The following NDUFAF2 variants were observed in gnomAD, a reference collection of about 807,000 sequenced individuals.
NDUFAF2 encodes the protein NADH dehydrogenase [ubiquinone] 1 alpha subcomplex assembly factor 2.
A neutral mutation model predicts 22.8 loss-of-function variants in NDUFAF2; 13 were observed. The observed-to-expected ratio is 0.57, with a 90% CI of 0.37 to 0.91. The LOEUF (loss-of-function observed/expected upper bound fraction) is 0.91. Ranked by LOEUF, NDUFAF2 falls within the 40% of genes least tolerant of loss-of-function variation. NDUFAF2 has a pLI of 0.01. For synonymous variants in NDUFAF2, 53 were observed against 64.2 expected, an observed-to-expected ratio of 0.83 and a Z score of 0.84; for missense variants, 162 against 195.2, an observed-to-expected ratio of 0.83 and a Z score of 1.01.
intron 1 of NDUFAF2, among the ~76,000 whole-genome samples, chr5:61,008,172 G>A (rs867952654): frequency 8.3e-6 from 1 of 120,700 alleles, no homozygotes; most frequent in Non-Finnish European, 1.7e-5. Flanking sequence ...GGAGGGGGGA[G>A]GGATAGCTTT....
intron 1 of NDUFAF2, among the ~76,000 whole-genome samples, chr5:60,978,029 C>T (rs1317367952): frequency 6.6e-6 from 1 of 152,006 alleles, no homozygotes; most frequent in Non-Finnish European, 1.5e-5. Flanking sequence ...AAGACTCGTC[C>T]CCCATTCCCT....
chr5:61,138,075 CAG>C (rs1327099553), intron 3 of NDUFAF2, among the ~76,000 whole-genome samples: 2 of 152,352 alleles, frequency 1.3e-5, no homozygotes, highest in East Asian at 3.9e-4. Flanking sequence ...TGTCTGCTCA[CAG>C]CATTCACTGC....
At chr5:61,150,993 G>A (rs906140733) in intron 3 of NDUFAF2, among the ~76,000 whole-genome samples, 3 of 152,024 alleles carry the variant, frequency 2.0e-5, no homozygotes, top group Admixed American at 1.3e-4. Context: ...CTACTCATGG[G>A]GAATTGCTAT....
At chr5:61,018,899 G>A (rs1417733969) in intron 1 of NDUFAF2, among the ~76,000 whole-genome samples, 1 of 151,948 alleles carries the variant, frequency 6.6e-6, no homozygotes, top group Non-Finnish European at 1.5e-5. Context: ...GCAATATAGT[G>A]AAAAACTTTT....
At chr5:61,009,919 TTTC>T (rs1344697139) in intron 1 of NDUFAF2, among the ~76,000 whole-genome samples, 3 of 152,036 alleles carry the variant, frequency 2.0e-5, no homozygotes, top group Non-Finnish European at 1.5e-5. Flanking sequence ...TCCTCTAGTA[TTTC>T]TTGTCTTAAT....
chr5:61,107,608 G>A (rs754454219), intron 3 of NDUFAF2, among the ~76,000 whole-genome samples: 15 of 150,644 alleles, frequency 1.0e-4, no homozygotes, highest in East Asian at 1.9e-4. Flanking sequence ...CCATTTGTGC[G>A]TTTTTGCTTT....
At chr5:61,111,232 G>A (rs1051858182) in intron 3 of NDUFAF2, among the ~76,000 whole-genome samples, 2 of 152,118 alleles carry the variant, frequency 1.3e-5, no homozygotes, top group East Asian at 1.9e-4. Context: ...GTGGCCTAAC[G>A]TATAGTCTGT....
intron 1 of NDUFAF2, among the ~76,000 whole-genome samples, chr5:61,049,915 A>ACG (rs2111697091): frequency 6.6e-6 from 1 of 151,494 alleles, no homozygotes; most frequent in Admixed American, 6.6e-5. Flanking sequence ...ACACACACAC[A>ACG]CAGTCTGACA....
chr5:60,963,033 G>A (rs765829290), intron 1 of NDUFAF2, among the ~76,000 whole-genome samples: 16 of 151,722 alleles, frequency 1.1e-4, no homozygotes, highest in Middle Eastern at 3.4e-3. Flanking sequence ...CTACAGGCAC[G>A]TGCCACCATG....
chr5:61,148,580 C>A (rs530612690), intron 3 of NDUFAF2, among the ~76,000 whole-genome samples: 1 of 152,258 alleles, frequency 6.6e-6, no homozygotes, highest in African/African-American at 2.4e-5. Flanking sequence ...TACAACAGCC[C>A]ATTGAAGAAG....
chr5:61,034,912 ATGTGTGTGTG>A (rs1554080641), intron 1 of NDUFAF2, among the ~76,000 whole-genome samples: 29 of 144,990 alleles, frequency 2.0e-4, no homozygotes, highest in African/African-American at 6.9e-4. Flanking sequence ...GCAAATATAT[ATGTGTGTGTG>A]TGTGTGTGTG....
At chr5:61,020,758 TCTGCTCA>T (rs1200797254) in intron 1 of NDUFAF2, among the ~76,000 whole-genome samples, 1 of 152,138 alleles carries the variant, frequency 6.6e-6, no homozygotes, top group East Asian at 1.9e-4. Context: ...CAGCACAATC[TCTGCTCA>T]CTGCTCACTG....
chr5:61,132,185 G>C (rs377272620), intron 3 of NDUFAF2, among the ~76,000 whole-genome samples: 2 of 152,154 alleles, frequency 1.3e-5, no homozygotes, highest in East Asian at 3.9e-4. Flanking sequence ...TAGAATCTAA[G>C]CTTCATGAAA....
At chr5:60,954,306 A>G (rs1750586203) in intron 1 of NDUFAF2, among the ~76,000 whole-genome samples, 1 of 152,190 alleles carries the variant, frequency 6.6e-6, no homozygotes, top group Non-Finnish European at 1.5e-5. Context: ...TCATAGATAT[A>G]TAGAGAGAGG....
At chr5:61,053,683 C>T (rs1046515612) in intron 1 of NDUFAF2, among the ~76,000 whole-genome samples, 2 of 152,008 alleles carry the variant, frequency 1.3e-5, no homozygotes, top group Non-Finnish European at 2.9e-5. Context: ...GGTGATAGTC[C>T]CACACAACCC....
chr5:60,986,766 T>TA (rs1200858536), intron 1 of NDUFAF2, among the ~76,000 whole-genome samples: 4 of 151,346 alleles, frequency 2.6e-5, no homozygotes, highest in Admixed American at 6.6e-5. Context: ...CCATCTGTAC[T>TA]AAAAAAATAC....
intron 1 of NDUFAF2, among the ~76,000 whole-genome samples, chr5:61,070,353 T>G (rs1179628799): frequency 6.6e-6 from 1 of 152,080 alleles, no homozygotes; most frequent in Non-Finnish European, 1.5e-5. Flanking sequence ...CATTCCCAAT[T>G]CATAAAAATT....
At chr5:61,029,959 A>G (rs138758068) in intron 1 of NDUFAF2, among the ~76,000 whole-genome samples, 4 of 152,224 alleles carry the variant, frequency 2.6e-5, no homozygotes, top group South Asian at 2.1e-4. Flanking sequence ...ACTGGGAACT[A>G]TGGTGACCCA....
At chr5:60,994,947 C>G (rs897215587) in intron 1 of NDUFAF2, among the ~76,000 whole-genome samples, 3 of 152,016 alleles carry the variant, frequency 2.0e-5, no homozygotes, top group Non-Finnish European at 2.9e-5. Flanking sequence ...CTCACTGATT[C>G]TTTCTTCTGC....
Sources: allele counts gnomAD v4.1 joint callset (sites outside exome capture counted in the v4.1 genomes callset), GRCh38; gene constraint gnomAD v4.1.1; transcripts MANE v1.5; gene names NCBI Gene and HGNC (gene_info 2026-07-23, HGNC 2026-07-21).